PCDH7: variants seen among roughly 807,000 people sequenced by gnomAD.
PCDH7 encodes protocadherin-7.
PCDH7 carries 17 observed loss-of-function variants against 58.9 expected under a neutral mutation model. The observed-to-expected ratio is 0.29, with a 90% CI of 0.20 to 0.43. The LOEUF is 0.43. Ranked by LOEUF, PCDH7 falls within the 20% of genes least tolerant of loss-of-function variation. The pLI is 1.00. For missense variants in PCDH7, 1,274 were observed against 1,441.0 expected, an observed-to-expected ratio of 0.88 and a Z score of 1.88; for synonymous variants, 664 against 616.4, an observed-to-expected ratio of 1.08 and a Z score of -1.14.
intron 2 of PCDH7, among the ~76,000 whole-genome samples, chr4:30,932,273 C>T (rs1041335751): frequency 2.0e-5 from 3 of 152,180 alleles, no homozygotes; most frequent in South Asian, 2.1e-4. Flanking sequence ...AGAAATGTCA[C>T]GTCACTGATG....
chr4:31,052,168 G>T (rs1756804362), intron 3 of PCDH7, among the ~76,000 whole-genome samples: 1 of 152,062 alleles, frequency 6.6e-6, no homozygotes, highest in Non-Finnish European at 1.5e-5. Flanking sequence ...TTGAAGTGAT[G>T]TTGGAGGAAA....
At chr4:31,079,732 G>A (rs1578740118) in intron 3 of PCDH7, among the ~76,000 whole-genome samples, 1 of 152,078 alleles carries the variant, frequency 6.6e-6, no homozygotes, top group South Asian at 2.1e-4. Context: ...TGAGCACATT[G>A]AAACATGTTC....
chr4:30,772,119 C>T (rs1721493867), intron 1 of PCDH7, among the ~76,000 whole-genome samples: 1 of 152,164 alleles, frequency 6.6e-6, no homozygotes, highest in Admixed American at 6.5e-5. Flanking sequence ...ATCCGCCCGC[C>T]TAAGACTCCA....
At chr4:31,041,412 A>T (rs1315459840) in intron 3 of PCDH7, among the ~76,000 whole-genome samples, 1 of 152,110 alleles carries the variant, frequency 6.6e-6, no homozygotes, top group Non-Finnish European at 1.5e-5. Flanking sequence ...TTTAAAGAGC[A>T]TGCTCCTTGC....
intron 3 of PCDH7, among the ~76,000 whole-genome samples, chr4:31,092,373 C>T (rs1458446134): frequency 6.6e-6 from 1 of 151,922 alleles, no homozygotes; most frequent in African/African-American, 2.4e-5. Context: ...AGATCAGATT[C>T]TAACCTATCA....
chr4:30,866,469 G>C (rs1734891483), intron 1 of PCDH7, among the ~76,000 whole-genome samples: 1 of 152,016 alleles, frequency 6.6e-6, no homozygotes, highest in Admixed American at 6.6e-5. Context: ...ATACACAACA[G>C]CTTTCCTTAT....
chr4:30,928,205 A>G (rs1442487342), intron 2 of PCDH7, among the ~76,000 whole-genome samples: 1 of 152,168 alleles, frequency 6.6e-6, no homozygotes, highest in African/African-American at 2.4e-5. Flanking sequence ...GATCATAGAC[A>G]TGAGCCACCC....
downstream of PCDH7, among the ~76,000 whole-genome samples, chr4:30,733,859 A>G (rs1028601464): frequency 2.0e-5 from 3 of 152,200 alleles, no homozygotes; most frequent in Non-Finnish European, 4.4e-5. Context: ...GGAATATAGA[A>G]GAATTCCTTA....
At chr4:31,028,175 G>T (rs1164325843) in intron 3 of PCDH7, among the ~76,000 whole-genome samples, 1 of 152,072 alleles carries the variant, frequency 6.6e-6, no homozygotes, top group East Asian at 1.9e-4. Flanking sequence ...CATAGCTATA[G>T]TGATATTAGG....
intron 1 of PCDH7, among the ~76,000 whole-genome samples, chr4:30,850,972 C>A (rs1732655105): frequency 1.3e-5 from 2 of 151,976 alleles, no homozygotes; most frequent in East Asian, 1.9e-4. Context: ...TTTTTCCTCC[C>A]TTATTCAGAC....
In PCDH7 at chr4:31,016,444, G is replaced by T. The variant is rs1753608134; in HGVS notation, c.*7+66229G>T. On this transcript the variant is annotated intron_variant, in intron 3 of 3. Transcript: ENST00000509759. ...ACATCACTATTGCTTTTATTAGACA[G>T]GAGAGGGGGAAAGGCCATCATCTAA... 2.7e-5 allele frequency among the ~76,000 whole-genome samples: 4 copies of T among 147,304 alleles called. No homozygotes were observed. The South Asian group carries it at 8.6e-4, about 32-fold the overall frequency.
chr4:31,110,741 C>T (rs571080428), intron 3 of PCDH7, among the ~76,000 whole-genome samples: 2 of 152,062 alleles, frequency 1.3e-5, no homozygotes. Context: ...CGGTGAAACT[C>T]TATCTATACT....
In PCDH7 at chr4:30,741,867, T is replaced by C. The variant is rs868409837; in HGVS notation, c.70+17271T>C. ...TTGAATCTATAAACGTCAATGAAAA[T>C]ATTTGTATGCTTTCAAGGAGGGTTC... On this transcript the variant is annotated intron_variant, in intron 1 of 3. Transcript: ENST00000509759. Among the ~76,000 whole-genome samples, 9 of 152,166 alleles carry C rather than the reference T, an allele frequency of 5.9e-5. No individual in the cohort carries two copies. The South Asian group carries it at 8.3e-4, about 14-fold the overall frequency.
At chr4:30,807,504 C>A (rs1726385115) in intron 1 of PCDH7, among the ~76,000 whole-genome samples, 1 of 152,072 alleles carries the variant, frequency 6.6e-6, no homozygotes, top group Non-Finnish European at 1.5e-5. Context: ...GGATATTGGG[C>A]TTTAAAGAAC....
intron 3 of PCDH7, among the ~76,000 whole-genome samples, chr4:31,076,545 A>C (rs1050669935): frequency 9.8e-5 from 15 of 152,324 alleles, no homozygotes; most frequent in Non-Finnish European, 1.8e-4. Flanking sequence ...TTTGGTGTAT[A>C]TATCTTTATA....
chr4:30,751,125 G>C lies in PCDH7; in HGVS notation c.70+26529G>C, dbSNP rs192361845. On this transcript the variant is annotated intron_variant, in intron 1 of 3. Coordinates refer to the PCDH7 transcript ENST00000509759. ...TGTTACCTCAAAGTGCTGGAGAATC[G>C]TGCACAGGTGATTTTGTACCTGTGC... Among the ~76,000 whole-genome samples, 709 of 152,278 alleles carry C rather than the reference G, an allele frequency of 4.7e-3. 6 individuals carry two copies. Among genetic ancestry groups the C allele is most frequent in the African/African-American group, 0.016 (671 of 41,532 alleles).
intron 3 of PCDH7, among the ~76,000 whole-genome samples, chr4:30,996,822 G>T (rs1751940542): frequency 6.6e-6 from 1 of 152,156 alleles, no homozygotes; most frequent in Non-Finnish European, 1.5e-5. Flanking sequence ...ACACAAAAAA[G>T]ACTCAAATAC....
chr4:30,767,408 A>C (rs1720892415), intron 1 of PCDH7, among the ~76,000 whole-genome samples: 1 of 152,134 alleles, frequency 6.6e-6, no homozygotes, highest in African/African-American at 2.4e-5. Flanking sequence ...GTGCCACAGG[A>C]AGTGATGCTA....
At chr4:30,756,134 A>G (rs1481166340) in intron 1 of PCDH7, among the ~76,000 whole-genome samples, 1 of 152,138 alleles carries the variant, frequency 6.6e-6, no homozygotes, top group African/African-American at 2.4e-5. Context: ...AAGTGGAAAC[A>G]TGCACCTGTG....
Sources: gnomAD v4.1 joint callset for allele counts (sites outside exome capture counted in the v4.1 genomes callset) on GRCh38, gnomAD v4.1.1 for gene constraint, MANE v1.5 for transcripts, NCBI Gene and HGNC (gene_info 2026-07-23, HGNC 2026-07-21) for gene names.